ITSN2: variants seen among roughly 807,000 people sequenced by gnomAD.
The protein encoded by ITSN2 is intersectin-2.
ITSN2 carries 156 observed loss-of-function variants against 243.7 expected under a neutral mutation model. The observed-to-expected ratio is 0.64, with a 90% CI of 0.56 to 0.73. The LOEUF (loss-of-function observed/expected upper bound fraction) is 0.73. Among genes scored for constraint, ITSN2 ranks in the 30% least tolerant of loss-of-function variants. ITSN2 has a pLI of 0.00. For synonymous variants in ITSN2, 703 were observed against 699.9 expected (o/e 1.00, Z -0.07); for missense variants, 1,801 against 1,996.1 (o/e 0.90, Z 1.86).
intron 12 of ITSN2, 138 bp downstream of exon 12, chr2:24,299,771 T>G (rs1681484838): frequency 9.7e-6 from 7 of 718,530 alleles, no homozygotes; most frequent in African/African-American, 1.8e-5. Context: ...ATGATCAGAT[T>G]TGTATAGGGT....
At chr2:24,301,526 C>CTTT (rs999219345) in intron 10 of ITSN2, among the ~76,000 whole-genome samples, 1 of 137,246 alleles carries the variant, frequency 7.3e-6, no homozygotes. Context: ...ACATCCACTT[C>CTTT]TTTTTTTTTT....
At chr2:24,256,647 C>T (rs1675089385) in intron 23 of ITSN2, among the ~76,000 whole-genome samples, 1 of 152,108 alleles carries the variant, frequency 6.6e-6, no homozygotes, top group Non-Finnish European at 1.5e-5. Context: ...AAAATTCATT[C>T]AATTGTTCAT....
intron 14 of ITSN2, among the ~76,000 whole-genome samples, chr2:24,294,244 G>A (rs1378767183): frequency 5.3e-5 from 8 of 152,128 alleles, no homozygotes. Flanking sequence ...TGGTCAACAT[G>A]GTGAAACCCC....
chr2:24,213,427 G>A (rs1477776736), intron 32 of ITSN2, among the ~76,000 whole-genome samples: 1 of 152,142 alleles, frequency 6.6e-6, no homozygotes, highest in Non-Finnish European at 1.5e-5. Context: ...AGCTTTTAAT[G>A]ACTGAAAAGT....
chr2:24,321,608 C>T (rs569331466), intron 2 of ITSN2, among the ~76,000 whole-genome samples: 10 of 152,102 alleles, frequency 6.6e-5, no homozygotes, highest in Admixed American at 6.5e-4. Flanking sequence ...AAAGAAATAC[C>T]ACATATGTAG....
At chr2:24,265,039 T>C (rs1676499877) in intron 20 of ITSN2, among the ~76,000 whole-genome samples, 1 of 152,180 alleles carries the variant, frequency 6.6e-6, no homozygotes, top group African/African-American at 2.4e-5. Context: ...AATCTTCCCA[T>C]TTTGGTCTCC....
intron 22 of ITSN2, 121 bp from the exon 23 acceptor site, chr2:24,258,214 G>C: frequency 1.5e-6 from 1 of 678,178 alleles, no homozygotes; most frequent in Non-Finnish European, 2.5e-6. Context: ...GGTGACTTAA[G>C]ATAACCTTAG....
In ITSN2 at chr2:24,204,745, C is replaced by T. The variant is rs1282482555; in HGVS notation, c.4763-327G>A. 1.2e-5 allele frequency: 6 copies of T among 519,368 alleles called. No homozygotes were observed. In the East Asian group the frequency reaches 2.6e-4, roughly 22 times the overall value. 32.2% of individuals were successfully genotyped at this position (519,368 alleles called of 1,614,324 possible). A position where few individuals can be genotyped will look rare whatever the true frequency, so the allele number is the denominator to read the frequency against. On this transcript the variant is annotated intron_variant, in intron 38 of 39. Transcript: ENST00000355123. This position sits in a 1 kb window ranked among gnomAD's most constrained non-coding sequence, Gnocchi z 5.1. ...TCGGGAAGGCGGGCACTGGCACTTA[C>T]TGGGAAAACAGTGATAAGAATATTG...
chr2:24,275,584 C>T, intron 18 of ITSN2, 129 bp downstream of exon 18: 1 of 633,548 alleles, frequency 1.6e-6, no homozygotes, highest in Non-Finnish European at 2.5e-6. Context: ...AAGGACTGAA[C>T]TTATGAGATC....
At chr2:24,351,992 CTT>C (rs1688061974) in intron 1 of ITSN2, among the ~76,000 whole-genome samples, 1 of 152,000 alleles carries the variant, frequency 6.6e-6, no homozygotes, top group African/African-American at 2.4e-5. Flanking sequence ...AAGAACAAGT[CTT>C]ATATCTGTGA....
In ITSN2 at chr2:24,302,133, TA is replaced by T. The variant is rs756741785; in HGVS notation, c.858-32del. The T allele has an allele frequency of 6.5e-6, 10 of 1,547,472 alleles. No individual in the cohort carries two copies. The South Asian group carries it at 1.2e-4, about 18-fold the overall frequency. On this transcript the variant is annotated intron_variant, in intron 9 of 39. Coordinates refer to ENST00000355123, the MANE Select transcript of ITSN2 (RefSeq NM_006277.3). ...GAAAATGTTAAAATTCACAACTTAA[TA>T]AAGTCTATTTGGAGTAAAATATTGC...
Position 24,211,002 on chromosome 2 carries a change from C to T in ITSN2, c.4090-55G>A. 1 of 1,571,922 alleles carries T rather than the reference C, an allele frequency of 6.4e-7. No individual in the cohort carries two copies. Among genetic ancestry groups the T allele is most frequent in the Admixed American group, 1.7e-5 (1 of 59,260 alleles). ...GGAGCTGCGTCTCTCACCTGCCCACCTGGACCTTCGCAGGACCGCTCCTCC... is the reference window on the plus strand; with the variant it reads ...GGAGCTGCGTCTCTCACCTGCCCACTTGGACCTTCGCAGGACCGCTCCTCC... On this transcript the variant is annotated intron_variant, in intron 33 of 39. Transcript: ENST00000355123. The surrounding 1 kb of genome is among the most constrained non-coding windows in gnomAD (Gnocchi z 4.1).
At chr2:24,360,790 G>C (rs1298584785), upstream of ITSN2, 1 of 152,668 alleles carries the variant, frequency 6.6e-6, no homozygotes, top group African/African-American at 2.4e-5. Context: ...GACCCACCTG[G>C]CTCCTCCTCC....
intron 1 of ITSN2, among the ~76,000 whole-genome samples, chr2:24,344,449 G>T (rs2551134): frequency 0.98 from 148,954 of 152,322 alleles, 72,828 homozygotes; most frequent in East Asian, 0.99. Context: ...ATTATTTTAT[G>T]TATTGCCAAC....
intron 2 of ITSN2, among the ~76,000 whole-genome samples, chr2:24,318,259 C>T (rs1372013328): frequency 6.6e-6 from 1 of 152,176 alleles, no homozygotes; most frequent in South Asian, 2.1e-4. Flanking sequence ...GATTCTCCCA[C>T]CTCAGCCGCC....
At chr2:24,321,953 C>T (rs1684623832) in intron 2 of ITSN2, 1 of 152,124 alleles carries the variant, frequency 6.6e-6, no homozygotes, top group African/African-American at 2.4e-5. Flanking sequence ...AATAAAGTAA[C>T]TTGCTCAAGG....
At chr2:24,264,982 G>A (rs1462638406) in intron 20 of ITSN2, among the ~76,000 whole-genome samples, 2 of 151,928 alleles carry the variant, frequency 1.3e-5, no homozygotes, top group Non-Finnish European at 2.9e-5. Context: ...GTAGAGATGA[G>A]GTCTTGCTTT....
At position 24,339,943 on chromosome 2, in the gene ITSN2, A is replaced by C. The variant is rs150367555; in HGVS notation, c.-33-11828T>G. ...TCAGGAAGTAGCTACTCAGGAGGTG[A>C]AAGGATCATTTGAGCCCGGGAGTTC... On this transcript the variant is annotated intron_variant, in intron 1 of 39. Transcript: ENST00000355123. 1.5e-3 allele frequency among the ~76,000 whole-genome samples: 226 copies of C among 152,004 alleles called. 1 individual carries two copies. Among genetic ancestry groups the C allele is most frequent in the African/African-American group, 5.1e-3 (212 of 41,484 alleles).
chr2:24,268,591 T>A (rs1416698576), intron 20 of ITSN2, among the ~76,000 whole-genome samples: 2 of 152,200 alleles, frequency 1.3e-5, no homozygotes, highest in East Asian at 3.8e-4. Flanking sequence ...ACACATTCTT[T>A]GAGCTGTATA....
Sources: gnomAD v4.1 joint callset for allele counts (sites outside exome capture counted in the v4.1 genomes callset) on GRCh38, gnomAD v4.1.1 for gene constraint, Gnocchi (gnomAD v3.1) non-coding constraint, MANE v1.5 for transcripts, NCBI Gene and HGNC (gene_info 2026-07-23, HGNC 2026-07-21) for gene names.